The following CTTNBP2 variants were observed in gnomAD, a reference collection of about 807,000 sequenced individuals.
CTTNBP2 encodes the protein cortactin binding protein 2, also known as cortactin-binding protein 2.
A neutral mutation model predicts 156.9 loss-of-function variants in CTTNBP2; 108 were observed. The observed-to-expected ratio is 0.69, with a 90% CI of 0.59 to 0.81. The LOEUF (loss-of-function observed/expected upper bound fraction) is 0.81, where lower values mean the gene tolerates loss of function less well. Ranked by LOEUF, CTTNBP2 falls within the 30% of genes least tolerant of loss-of-function variation. The pLI is 0.00. For synonymous variants in CTTNBP2, 767 were observed against 751.8 expected, an observed-to-expected ratio of 1.02 and a Z score of -0.33; for missense variants, 1,924 against 2,035.4, an observed-to-expected ratio of 0.95 and a Z score of 1.05.
chr7:117,791,993 A>C lies in CTTNBP2; in HGVS notation c.1203T>G (p.Leu401=). 1 of 1,613,860 alleles carries C rather than the reference A, an allele frequency of 6.2e-7. No individual in the cohort carries two copies. The highest frequency in any genetic ancestry group is 8.5e-7 in the Non-Finnish European group (1 of 1,179,974). The change falls in exon 4 of 23, where the codon CTT becomes CTG. Residue 401 remains leucine, a synonymous_variant. Transcript: ENST00000160373. ...TPDPTSSTPP[L]PSNAAPPTAQ... ...CGGTGGGAGGGGCAGCGTTACTGGG[A>C]AGTGGGGGTGTGCTACTGGTTGGAT...
intron 14 of CTTNBP2, among the ~76,000 whole-genome samples, chr7:117,736,629 A>ACCCAAAATG (rs1795722603): frequency 6.6e-6 from 1 of 152,206 alleles, no homozygotes; most frequent in African/African-American, 2.4e-5. Flanking sequence ...CTTTCTGTCA[A>ACCCAAAATG]CCCAAAATGA....
intron 19 of CTTNBP2, among the ~76,000 whole-genome samples, chr7:117,722,426 G>T (rs1245789839): frequency 1.3e-5 from 2 of 152,052 alleles, no homozygotes; most frequent in African/African-American, 4.8e-5. Flanking sequence ...TTAACTTTTA[G>T]AAATTTCCTT....
chr7:117,764,911 A>G (rs1403510972), intron 9 of CTTNBP2, among the ~76,000 whole-genome samples: 1 of 151,964 alleles, frequency 6.6e-6, no homozygotes, highest in East Asian at 1.9e-4. Flanking sequence ...CTTCTTTGAC[A>G]TATTCTGTTC....
intron 18 of CTTNBP2, 100 bp downstream of exon 18, chr7:117,724,952 T>TTTTTCTAA (rs1795008199): frequency 9.2e-6 from 11 of 1,195,426 alleles, no homozygotes; most frequent in Non-Finnish European, 1.2e-5. Context: ...AAGATGTATA[T>TTTTTCTAA]TTTTCTAATT....
intron 16 of CTTNBP2, among the ~76,000 whole-genome samples, chr7:117,729,810 G>C (rs1320264285): frequency 6.6e-6 from 1 of 152,108 alleles, no homozygotes; most frequent in East Asian, 1.9e-4. Context: ...AAGAAGAACT[G>C]ACTAAATACA....
chr7:117,719,557 C>A lies in CTTNBP2; in HGVS notation c.4591G>T (p.Val1531Phe), dbSNP rs376142744. 2.8e-5 allele frequency: 45 copies of A among 1,613,922 alleles called. No individual in the cohort carries two copies. Among genetic ancestry groups the A allele is most frequent in the Non-Finnish European group, 3.7e-5 (44 of 1,179,970 alleles). ...GAGCACATGCTCTGAAGTTCCTTGA[C>A]AAGATCTGCTTCGTCATCTGAACCC... ...SLGSDDEADL[V>F]KELQSMCSSK... Residue 1531 changes from valine (V) to phenylalanine (F), a missense_variant, in exon 21 of 23, where the codon GTC becomes TTC. Coordinates refer to ENST00000160373, the MANE Select transcript of CTTNBP2 (RefSeq NM_033427.3).
Position 117,724,647 on chromosome 7 carries a change from TTTC to T in CTTNBP2, c.4344_4346del (p.Lys1449del). 1 of 1,614,182 alleles carries T rather than the reference TTTC, an allele frequency of 6.2e-7. No individual in the cohort carries two copies. The highest frequency in any genetic ancestry group is 8.5e-7 in the Non-Finnish European group (1 of 1,180,026). Reference sequence around the variant, plus strand: ...CCTTTCTCCAGGCACCACTCTCTCCTTTCTTCTTGTTACAAGTGTTATAACTGG... The same window carrying T: ...CCTTTCTCCAGGCACCACTCTCTCCTTTCTTGTTACAAGTGTTATAACTGG... On this transcript the variant is annotated inframe_deletion, in exon 19 of 23. Transcript: ENST00000160373.
In CTTNBP2 at chr7:117,734,933, G is replaced by T. The variant is rs561305383; in HGVS notation, c.3856C>A (p.Arg1286=). The change falls in exon 16 of 23, where the codon CGA becomes AGA. Residue 1286 remains arginine, a synonymous_variant. Transcript: ENST00000160373. ...GTTACCTTATTCACAACTTTCCTTC[G>T]TAAGAACCTCTGCAGCAGTCCTTGC... is the stretch of plus-strand genomic sequence containing the variant. The part of the protein sequence containing the change: ...PMQGLLQRFL[R]RKVVNKFKGQ... The T allele has an allele frequency of 2.5e-6, 4 of 1,598,286 alleles. No homozygotes were observed. The highest frequency in any genetic ancestry group is 2.6e-6 in the Non-Finnish European group (3 of 1,169,528).
rs151317942 is a variant in CTTNBP2, at chr7:117,824,879, T to C, written c.190-13890A>G. ...AATAATTTTGTCAAATGTAAGTTGT[T>C]CCTTTGCATTTTAAATGTTACGTTA... On this transcript the variant is annotated intron_variant, in intron 2 of 22. Coordinates refer to ENST00000160373, the MANE Select transcript of CTTNBP2 (RefSeq NM_033427.3). Among the ~76,000 whole-genome samples the C allele has an allele frequency of 2.4e-3, 359 of 152,372 alleles. 1 individual carries two copies. The highest frequency in any genetic ancestry group is 4.4e-3 in the Non-Finnish European group (302 of 68,034).
intron 12 of CTTNBP2, among the ~76,000 whole-genome samples, chr7:117,750,912 TAC>T (rs1796588296): frequency 2.0e-5 from 3 of 152,322 alleles, no homozygotes; most frequent in Admixed American, 1.3e-4. Flanking sequence ...CTTTTAAAAT[TAC>T]AGTCTTAATT....
chr7:117,735,096 A>G lies in CTTNBP2; in HGVS notation c.3693T>C (p.Asn1231=). 2 of 1,610,956 alleles carry G rather than the reference A, an allele frequency of 1.2e-6. No individual in the cohort carries two copies. Among genetic ancestry groups the G allele is most frequent in the African/African-American group, 1.3e-5 (1 of 74,908 alleles). ...TESPCTFQKG[N]GLSECYYFHE... The stretch of plus-strand genomic sequence containing the variant: ...GAAAGTAATAACATTCGGACAGTCC[A>G]TTTCCTGAAACAAACCAAAAAGCAA... The change falls in exon 16 of 23, where the codon AAT becomes AAC. Residue 1231 remains asparagine, a synonymous_variant. Coordinates refer to ENST00000160373, the MANE Select transcript of CTTNBP2 (RefSeq NM_033427.3).
chr7:117,730,099 C>T (rs1795321917), intron 16 of CTTNBP2, among the ~76,000 whole-genome samples: 1 of 152,198 alleles, frequency 6.6e-6, no homozygotes, highest in Non-Finnish European at 1.5e-5. Flanking sequence ...GAACGAATGA[C>T]TTCAAGGCCA....
chr7:117,861,159 G>C (rs769954048), intron 2 of CTTNBP2, 50 bp downstream of exon 2: 4 of 1,183,596 alleles, frequency 3.4e-6, no homozygotes. Flanking sequence ...ATGGCTCTTT[G>C]AAAAAAGCAA....
rs201987901 is a variant in CTTNBP2 at position 117,760,416 on chromosome 7, G to A, written c.3172+19C>T. The stretch of plus-strand genomic sequence containing the variant: ...AACCCAGAAATTTCACTTTCTCTCC[G>A]TCATAGGACTGCTGATACCTAGCGT... On this transcript the variant is annotated intron_variant, in intron 10 of 22. Transcript: ENST00000160373. The A allele has an allele frequency of 2.5e-3, 3,995 of 1,607,970 alleles. 10 individuals are homozygous for A. Among genetic ancestry groups the A allele is most frequent in the Middle Eastern group, 0.012 (72 of 6,036 alleles).
chr7:117,862,315 G>T (rs1474136627), intron 1 of CTTNBP2, among the ~76,000 whole-genome samples: 1 of 151,830 alleles, frequency 6.6e-6, no homozygotes, highest in African/African-American at 2.4e-5. Context: ...TGTGGGGTGG[G>T]GTGGGGGGGC....
intron 16 of CTTNBP2, among the ~76,000 whole-genome samples, chr7:117,734,211 G>A (rs1473306281): frequency 2.0e-5 from 3 of 152,114 alleles, no homozygotes; most frequent in South Asian, 2.1e-4. Flanking sequence ...TAGCAGTTGG[G>A]GTGTTATTAG....
chr7:117,804,748 C>T (rs1483017882), intron 3 of CTTNBP2, among the ~76,000 whole-genome samples: 1 of 152,150 alleles, frequency 6.6e-6, no homozygotes, highest in Non-Finnish European at 1.5e-5. Context: ...GGGAGGGGCA[C>T]AACACACACT....
chr7:117,718,009 G>A lies in CTTNBP2; in HGVS notation c.4746+9C>T. ...CCTTTGTTCACTTTGGGGAGAAAGG[G>A]ACACTTACCTTTTGTGACACTGGCA... On this transcript the variant is annotated intron_variant, in intron 22 of 22. Coordinates refer to ENST00000160373, the MANE Select transcript of CTTNBP2 (RefSeq NM_033427.3). The A allele has an allele frequency of 1.3e-6, 2 of 1,542,436 alleles. No homozygotes were observed. The highest frequency in any genetic ancestry group is 1.8e-6 in the Non-Finnish European group (2 of 1,114,856).
intron 2 of CTTNBP2, among the ~76,000 whole-genome samples, chr7:117,835,444 G>C (rs527501658): frequency 1.3e-5 from 2 of 152,164 alleles, no homozygotes; most frequent in Non-Finnish European, 2.9e-5. Context: ...CCAAACTTCA[G>C]TCAACCACAG....
Sources: gnomAD v4.1 joint callset for allele counts (sites outside exome capture counted in the v4.1 genomes callset) on GRCh38, gnomAD v4.1.1 for gene constraint, MANE v1.5 for transcripts, NCBI Gene and HGNC (gene_info 2026-07-23, HGNC 2026-07-21) for gene names.